GTF2F2: variants seen among roughly 807,000 people sequenced by gnomAD.
The protein encoded by GTF2F2 is general transcription factor IIF subunit 2, also known as ATP-dependent helicase GTF2F2.
A neutral mutation model predicts 42.2 loss-of-function variants in GTF2F2; 23 were observed. The observed-to-expected ratio is 0.55, with a 90% confidence interval of 0.39 to 0.77. GTF2F2 has a LOEUF of 0.77. Ranked by LOEUF, GTF2F2 falls within the 30% of genes least tolerant of loss-of-function variation. The probability of loss-of-function intolerance (pLI) is 0.00; values close to 1 mark genes in which losing one functional copy is unlikely to be tolerated. For missense variants in GTF2F2, 261 were observed against 287.2 expected, an observed-to-expected ratio of 0.91 and a Z score of 0.66; for synonymous variants, 105 against 100.8, an observed-to-expected ratio of 1.04 and a Z score of -0.25.
chr13:45,214,075 T>C (rs1873799599), intron 5 of GTF2F2, among the ~76,000 whole-genome samples: 1 of 151,602 alleles, frequency 6.6e-6, no homozygotes, highest in Admixed American at 6.6e-5. Flanking sequence ...TTTTAGTAAC[T>C]AGCAGCTAAA....
intron 5 of GTF2F2, among the ~76,000 whole-genome samples, chr13:45,245,957 G>A (rs1433922325): frequency 6.9e-6 from 1 of 145,122 alleles, no homozygotes; most frequent in Non-Finnish European, 1.5e-5. Context: ...AAAAAAAAAA[G>A]TATTCCCTTT....
intron 1 of GTF2F2, among the ~76,000 whole-genome samples, chr13:45,122,321 CA>C (rs2138080507): frequency 6.6e-6 from 1 of 151,954 alleles, no homozygotes; most frequent in African/African-American, 2.4e-5. Flanking sequence ...GGAGGGTAAC[CA>C]GAGTCACAAT....
chr13:45,280,002 G>A (rs555399165), intron 7 of GTF2F2, among the ~76,000 whole-genome samples: 5 of 151,310 alleles, frequency 3.3e-5, no homozygotes, highest in Admixed American at 6.6e-5. Context: ...AGCTACCATC[G>A]AAGGTTGTGC....
intron 4 of GTF2F2, among the ~76,000 whole-genome samples, chr13:45,202,013 C>T (rs1318591611): frequency 2.0e-5 from 3 of 152,150 alleles, no homozygotes; most frequent in African/African-American, 7.2e-5. Context: ...ACCTTCAGTA[C>T]TCTTCCTTCT....
At chr13:45,211,971 GCACACACA>G (rs149511537) in intron 5 of GTF2F2, among the ~76,000 whole-genome samples, 1,886 of 151,494 alleles carry the variant, frequency 0.012, 40 homozygotes, top group African/African-American at 0.04. Context: ...ACACACACAC[GCACACACA>G]CACCACACCC....
chr13:45,153,097 C>T (rs2138121848), intron 4 of GTF2F2, among the ~76,000 whole-genome samples: 1 of 151,422 alleles, frequency 6.6e-6, no homozygotes. Flanking sequence ...GCAAGCTCCG[C>T]CTACCGGGTT....
At chr13:45,173,427 G>A (rs1237168818) in intron 4 of GTF2F2, among the ~76,000 whole-genome samples, 2 of 151,500 alleles carry the variant, frequency 1.3e-5, no homozygotes, top group Non-Finnish European at 2.9e-5. Flanking sequence ...TTTGTCACGT[G>A]TGGTTTCATA....
intron 5 of GTF2F2, among the ~76,000 whole-genome samples, chr13:45,241,503 G>A (rs1004092364): frequency 2.6e-5 from 4 of 152,236 alleles, no homozygotes; most frequent in Middle Eastern, 3.4e-3. Context: ...TGGCAATTAA[G>A]CACTTGAAAT....
intron 2 of GTF2F2, among the ~76,000 whole-genome samples, chr13:45,139,437 G>A (rs1366162582): frequency 6.6e-6 from 1 of 152,246 alleles, no homozygotes; most frequent in Admixed American, 6.5e-5. Context: ...TGTTTCAGAA[G>A]CATCTCAAAC....
intron 5 of GTF2F2, chr13:45,219,710 G>A (rs1238973609): frequency 1.3e-5 from 2 of 152,178 alleles, no homozygotes; most frequent in African/African-American, 4.8e-5. Flanking sequence ...TAGTTTTAAT[G>A]AACTAGTAGT....
rs145150113 is a variant in GTF2F2, at chr13:45,156,803, C to T, written c.304+4972C>T. Among the ~76,000 whole-genome samples, 752 of 152,230 alleles carry T rather than the reference C, an allele frequency of 4.9e-3. 8 individuals carry two copies. The highest frequency in any genetic ancestry group is 0.017 in the African/African-American group (711 of 41,532). ...AAATGGGCAGGCTTAGAGCTGATAA[C>T]GCAGTGACTTTTTTGCTTTCATTTT... On this transcript the variant is annotated intron_variant, in intron 4 of 7. Transcript: ENST00000340473.
chr13:45,178,452 A>T (rs1871989446), intron 4 of GTF2F2, among the ~76,000 whole-genome samples: 1 of 142,762 alleles, frequency 7.0e-6, no homozygotes, highest in African/African-American at 2.6e-5. Flanking sequence ...ATCACAGTCC[A>T]GTTGTTTTAT....
At chr13:45,198,030 CTCTT>C (rs1171671335) in intron 4 of GTF2F2, among the ~76,000 whole-genome samples, 4 of 152,202 alleles carry the variant, frequency 2.6e-5, no homozygotes, top group African/African-American at 9.7e-5. Context: ...AGTACCTTAA[CTCTT>C]TATTAGAGTT....
At chr13:45,204,101 GTC>G (rs948819029) in intron 4 of GTF2F2, among the ~76,000 whole-genome samples, 1 of 152,034 alleles carries the variant, frequency 6.6e-6, no homozygotes, top group African/African-American at 2.4e-5. Context: ...TTTTTTGGGA[GTC>G]TATACATTTT....
chr13:45,207,535 CTGATATTTCCCTTTGGGGA>C (rs1315251932), intron 5 of GTF2F2, 30 bp downstream of exon 5: 3 of 1,297,742 alleles, frequency 2.3e-6, no homozygotes, highest in Non-Finnish European at 3.4e-6. Context: ...AGAATGATAC[CTGATATTTCCCTTTGGGGA>C]TTGAGATACG....
At chr13:45,186,194 T>G (rs1442138805) in intron 4 of GTF2F2, among the ~76,000 whole-genome samples, 3 of 151,988 alleles carry the variant, frequency 2.0e-5, no homozygotes, top group African/African-American at 4.8e-5. Flanking sequence ...TGGCTGGTCT[T>G]GAACTCCTGA....
At chr13:45,128,995 G>T (rs1214961519) in intron 1 of GTF2F2, among the ~76,000 whole-genome samples, 1 of 152,156 alleles carries the variant, frequency 6.6e-6, no homozygotes, top group East Asian at 1.9e-4. Context: ...ACTTTCCCTT[G>T]AAGTGCTTTC....
chr13:45,130,586 G>A lies in GTF2F2; in HGVS notation c.67-6147G>A, dbSNP rs184625143. On this transcript the variant is annotated intron_variant, in intron 1 of 7. Transcript: ENST00000340473. The stretch of plus-strand genomic sequence containing the variant: ...TTGGGCTAGGGTAGTAACTCGAGTT[G>A]GTGAGAAAAGGCTGGAGTTGGATAT... Among the ~76,000 whole-genome samples the A allele has an allele frequency of 2.2e-3, 341 of 152,258 alleles. 5 individuals carry two copies. Among genetic ancestry groups the A allele is most frequent in the African/African-American group, 7.8e-3 (322 of 41,548 alleles).
chr13:45,129,966 C>T (rs370650780), intron 1 of GTF2F2, among the ~76,000 whole-genome samples: 5 of 152,150 alleles, frequency 3.3e-5, no homozygotes, highest in South Asian at 2.1e-4. Flanking sequence ...AAGAGTGTTC[C>T]GGACAGAAAT....
Sources: gnomAD v4.1 joint callset for allele counts (sites outside exome capture counted in the v4.1 genomes callset) on GRCh38, gnomAD v4.1.1 for gene constraint, MANE v1.5 for transcripts, NCBI Gene and HGNC (gene_info 2026-07-23, HGNC 2026-07-21) for gene names.